GRXCR1: variants seen among roughly 807,000 people sequenced by gnomAD.
The protein encoded by GRXCR1 is glutaredoxin and cysteine rich domain containing 1, also known as glutaredoxin domain-containing cysteine-rich protein 1.
GRXCR1 carries 27 observed loss-of-function variants against 27.3 expected under a neutral mutation model. The ratio of observed to expected loss-of-function variants is 0.99; its 90% CI spans 0.73 to 1.37. The LOEUF is 1.37. GRXCR1 is among the 40% of genes most tolerant of loss of function. GRXCR1 has a pLI of 0.00. For missense variants in GRXCR1, 379 were observed against 354.4 expected (o/e 1.07, Z -0.56); for synonymous variants, 122 against 131.1 (o/e 0.93, Z 0.47).
chr4:42,963,437 CT>C (rs535426724), intron 2 of GRXCR1, among the ~76,000 whole-genome samples: 28 of 152,024 alleles, frequency 1.8e-4, no homozygotes, highest in Non-Finnish European at 2.9e-4. Context: ...GGGATAAAGA[CT>C]GTATTTTTAG....
intron 2 of GRXCR1, among the ~76,000 whole-genome samples, chr4:43,006,456 A>G (rs1712561970): frequency 6.6e-6 from 1 of 152,124 alleles, no homozygotes; most frequent in Non-Finnish European, 1.5e-5. Context: ...CTGGAGATAT[A>G]GGCTTATAAA....
At chr4:42,944,425 T>C (rs895442747) in intron 1 of GRXCR1, among the ~76,000 whole-genome samples, 3 of 152,122 alleles carry the variant, frequency 2.0e-5, no homozygotes, top group Admixed American at 6.6e-5. Flanking sequence ...AGGAAATTCA[T>C]AGAAAAGATA....
intron 1 of GRXCR1, among the ~76,000 whole-genome samples, chr4:42,953,596 T>C (rs1747932002): frequency 6.6e-6 from 1 of 152,132 alleles, no homozygotes; most frequent in Admixed American, 6.5e-5. Flanking sequence ...ATAGCCAAAT[T>C]GCAAATTCAT....
At chr4:42,930,428 T>C (rs1222982712) in intron 1 of GRXCR1, among the ~76,000 whole-genome samples, 1 of 151,968 alleles carries the variant, frequency 6.6e-6, no homozygotes, top group East Asian at 1.9e-4. Flanking sequence ...CAGATGTTTA[T>C]TTAGGATATG....
intron 2 of GRXCR1, among the ~76,000 whole-genome samples, chr4:42,987,058 GA>G (rs1432213659): frequency 6.7e-6 from 1 of 149,754 alleles, no homozygotes; most frequent in Non-Finnish European, 1.5e-5. Context: ...TTGTGGGTGT[GA>G]AAACATACTG....
At chr4:42,909,208 G>A (rs1222866110) in intron 1 of GRXCR1, among the ~76,000 whole-genome samples, 1 of 152,136 alleles carries the variant, frequency 6.6e-6, no homozygotes, top group Non-Finnish European at 1.5e-5. Flanking sequence ...GCCATACAGG[G>A]TAATTCTTAA....
intron 2 of GRXCR1, among the ~76,000 whole-genome samples, chr4:42,967,247 A>G (rs1026973803): frequency 1.3e-5 from 2 of 152,034 alleles, no homozygotes; most frequent in Non-Finnish European, 2.9e-5. Context: ...GTCTAGATTA[A>G]TTTTATTTTG....
At position 42,981,689 on chromosome 4, in the gene GRXCR1, G is replaced by T. The variant is rs1017948521; in HGVS notation, c.627+18555G>T. Reference sequence around the variant, plus strand: ...GTCTTCACCTCTGAAGGACAGTTTTGCTGGCTATAGTATTCTTGGTTGACA... The same window carrying T: ...GTCTTCACCTCTGAAGGACAGTTTTTCTGGCTATAGTATTCTTGGTTGACA... On this transcript the variant is annotated intron_variant, in intron 2 of 3. Coordinates refer to ENST00000399770, the MANE Select transcript of GRXCR1 (RefSeq NM_001080476.3). Among the ~76,000 whole-genome samples, 8 of 152,040 alleles carry T rather than the reference G, an allele frequency of 5.3e-5. 1 individual carries two copies. In the East Asian group the frequency reaches 1.5e-3, roughly 29 times the overall value.
chr4:43,000,608 A>G (rs1712322291), intron 2 of GRXCR1, among the ~76,000 whole-genome samples: 1 of 151,638 alleles, frequency 6.6e-6, no homozygotes, highest in Non-Finnish European at 1.5e-5. Flanking sequence ...TATTACAATT[A>G]TTCTATTTTA....
At chr4:42,934,220 T>C (rs2109758830) in intron 1 of GRXCR1, among the ~76,000 whole-genome samples, 1 of 134,262 alleles carries the variant, frequency 7.4e-6, no homozygotes, top group Non-Finnish European at 1.6e-5. Flanking sequence ...ATATAACTGT[T>C]ATATGTGTAT....
At chr4:42,904,302 C>T (rs60218713) in intron 1 of GRXCR1, among the ~76,000 whole-genome samples, 13,034 of 152,192 alleles carry the variant, frequency 0.086, 961 homozygotes, top group East Asian at 0.34. Flanking sequence ...ACCTTCATTG[C>T]CTTTATGTCT....
chr4:43,010,774 A>C (rs550607445), intron 2 of GRXCR1, among the ~76,000 whole-genome samples: 1 of 152,340 alleles, frequency 6.6e-6, no homozygotes, highest in South Asian at 2.1e-4. Flanking sequence ...TTTTTAAAAA[A>C]GCTCTTTGAA....
intron 1 of GRXCR1, among the ~76,000 whole-genome samples, chr4:42,931,837 T>C (rs1018226143): frequency 1.3e-5 from 2 of 151,946 alleles, no homozygotes; most frequent in East Asian, 1.9e-4. Flanking sequence ...AATAAAGACA[T>C]ACCCGAGCCT....
chr4:43,016,895 A>C (rs530927548), intron 2 of GRXCR1, among the ~76,000 whole-genome samples: 1 of 152,246 alleles, frequency 6.6e-6, no homozygotes. Context: ...TTGGTGATTC[A>C]TAGATAAGGA....
Position 42,980,027 on chromosome 4 carries a change from A to T in GRXCR1, c.627+16893A>T, listed in dbSNP as rs189185725. 2.5e-3 allele frequency among the ~76,000 whole-genome samples: 384 copies of T among 151,538 alleles called. 11 individuals are homozygous for T. Among genetic ancestry groups the T allele is most frequent in the Admixed American group, 0.021 (322 of 15,210 alleles). On this transcript the variant is annotated intron_variant, in intron 2 of 3. Coordinates refer to ENST00000399770, the MANE Select transcript of GRXCR1 (RefSeq NM_001080476.3). ...TTGTAACATCTCCTTTTTCATACCT[A>T]ATTTTATTTTAGTCCTCTTCTTTTT... is the stretch of plus-strand genomic sequence containing the variant.
chr4:42,917,422 A>G (rs1746910229), intron 1 of GRXCR1, among the ~76,000 whole-genome samples: 1 of 152,156 alleles, frequency 6.6e-6, no homozygotes, highest in East Asian at 1.9e-4. Context: ...AGAGTAATTA[A>G]TCCCAAATGA....
chr4:42,982,528 G>A (rs1411371282), intron 2 of GRXCR1, among the ~76,000 whole-genome samples: 3 of 118,342 alleles, frequency 2.5e-5, no homozygotes, highest in African/African-American at 6.5e-5. Context: ...GTGTGCATGT[G>A]TCTTTATAGC....
At chr4:43,008,153 ATTTTTTCATCT>A (rs1712624592) in intron 2 of GRXCR1, among the ~76,000 whole-genome samples, 1 of 151,578 alleles carries the variant, frequency 6.6e-6, no homozygotes, top group Non-Finnish European at 1.5e-5. Context: ...ATTTCTCTTC[ATTTTTTCATCT>A]TTTTAGTATT....
At chr4:43,010,227 C>G (rs1712702531) in intron 2 of GRXCR1, among the ~76,000 whole-genome samples, 1 of 152,020 alleles carries the variant, frequency 6.6e-6, no homozygotes, top group Non-Finnish European at 1.5e-5. Context: ...CATGGTGAAA[C>G]CCTGCCTCTA....
Sources: allele counts gnomAD v4.1 joint callset (sites outside exome capture counted in the v4.1 genomes callset), GRCh38; gene constraint gnomAD v4.1.1; transcripts MANE v1.5; gene names NCBI Gene and HGNC (gene_info 2026-07-23, HGNC 2026-07-21).